Variants in BAZ2B observed in about 807,000 individuals in gnomAD.
BAZ2B encodes the protein bromodomain adjacent to zinc finger domain protein 2B.
BAZ2B carries 91 observed loss-of-function variants against 246.0 expected under a neutral mutation model. The observed-to-expected ratio is 0.37, with a 90% CI of 0.31 to 0.44. The LOEUF (loss-of-function observed/expected upper bound fraction) is 0.44, where lower values mean the gene tolerates loss of function less well. BAZ2B is among the 20% of genes least tolerant of loss of function. The pLI is 1.00. For synonymous variants in BAZ2B, 855 were observed against 860.0 expected (o/e 0.99, Z 0.10); for missense variants, 2,332 against 2,533.7 (o/e 0.92, Z 1.71).
chr2:159,320,842 C>G (rs1056379776), intron 36 of BAZ2B, among the ~76,000 whole-genome samples: 2 of 152,154 alleles, frequency 1.3e-5, no homozygotes, highest in East Asian at 1.9e-4. Context: ...TCAATGCTCC[C>G]CATGCAATGA....
intron 2 of BAZ2B, among the ~76,000 whole-genome samples, chr2:159,479,095 T>TA (rs1041817214): frequency 7.3e-5 from 11 of 151,188 alleles, no homozygotes; most frequent in Non-Finnish European, 1.2e-4. Flanking sequence ...AATGAATAAT[T>TA]AAAAAAAAAC....
At chr2:159,678,222 C>T in the BAZ2B span, among the ~76,000 whole-genome samples, 1 of 152,138 alleles carries the variant, frequency 6.6e-6, no homozygotes, top group East Asian at 1.9e-4. Context: ...GTTTGAGAAG[C>T]ACAGGGTACA....
the BAZ2B span, among the ~76,000 whole-genome samples, chr2:159,688,256 T>C: frequency 6.6e-6 from 1 of 152,074 alleles, no homozygotes; most frequent in African/African-American, 2.4e-5. Flanking sequence ...TGTCCAGGCT[T>C]GCCTTGAACT....
chr2:159,587,086 T>C (rs1023565469), intron 1 of BAZ2B, among the ~76,000 whole-genome samples: 1 of 152,072 alleles, frequency 6.6e-6, no homozygotes, highest in African/African-American at 2.4e-5. Flanking sequence ...TGCAACTTTT[T>C]TTTTTTTTTT....
intron 1 of BAZ2B, among the ~76,000 whole-genome samples, chr2:159,598,192 C>G (rs925015256): frequency 6.6e-6 from 1 of 151,990 alleles, no homozygotes; most frequent in Non-Finnish European, 1.5e-5. Context: ...CAGGGTTTCA[C>G]CATATTGGCC....
At chr2:159,413,053 A>C (rs1448470468) in intron 13 of BAZ2B, among the ~76,000 whole-genome samples, 1 of 152,200 alleles carries the variant, frequency 6.6e-6, no homozygotes, top group Non-Finnish European at 1.5e-5. Context: ...GAAGAATTGA[A>C]CTTGAATGGT....
intron 2 of BAZ2B, among the ~76,000 whole-genome samples, chr2:159,549,078 C>T (rs556148633): frequency 6.6e-6 from 1 of 151,962 alleles, no homozygotes; most frequent in African/African-American, 2.4e-5. Flanking sequence ...GTCAAGAGTT[C>T]GAGACCAGCC....
chr2:159,348,581 T>C (rs1223487091), intron 30 of BAZ2B, 97 bp downstream of exon 30: 7 of 1,372,218 alleles, frequency 5.1e-6, no homozygotes, highest in Middle Eastern at 5.3e-4. Context: ...AACCCATGAA[T>C]ATGAAGGACC....
intron 33 of BAZ2B, 49 bp downstream of exon 33, chr2:159,336,893 A>G (rs1435855225): frequency 2.7e-6 from 4 of 1,459,684 alleles, no homozygotes; most frequent in Non-Finnish European, 3.7e-6. Context: ...GTTGGAAGAA[A>G]CAGGACAAAG....
intron 34 of BAZ2B, among the ~76,000 whole-genome samples, chr2:159,331,492 C>A (rs537890527): frequency 6.6e-6 from 1 of 152,330 alleles, no homozygotes; most frequent in Admixed American, 6.5e-5. Context: ...CTGAGCCCCC[C>A]AAATAGTTGG....
At chr2:159,548,788 G>T (rs982106673) in intron 2 of BAZ2B, among the ~76,000 whole-genome samples, 2 of 151,968 alleles carry the variant, frequency 1.3e-5, no homozygotes, top group Admixed American at 1.3e-4. Flanking sequence ...GACTGAGCAA[G>T]ACCCTGTTTC....
At chr2:159,565,740 GC>G in intron 1 of BAZ2B, among the ~76,000 whole-genome samples, 1 of 142,116 alleles carries the variant, frequency 7.0e-6, no homozygotes, top group African/African-American at 2.6e-5. Flanking sequence ...TTGTGCCACT[GC>G]ATTCCAGCCT....
At chr2:159,399,798 AG>A (rs1301369618) in intron 17 of BAZ2B, among the ~76,000 whole-genome samples, 1 of 152,174 alleles carries the variant, frequency 6.6e-6, no homozygotes, top group African/African-American at 2.4e-5. Context: ...ATGGTGGAGA[AG>A]TTGTAATAAA....
At chr2:159,573,499 C>A (rs1183946671) in intron 1 of BAZ2B, among the ~76,000 whole-genome samples, 1 of 152,128 alleles carries the variant, frequency 6.6e-6, no homozygotes, top group South Asian at 2.1e-4. Flanking sequence ...TCACACCATA[C>A]ACAAAAAGGA....
intron 2 of BAZ2B, 32 bp from the exon 3 acceptor site, chr2:159,478,753 T>C (rs750383027): frequency 1.4e-6 from 2 of 1,403,796 alleles, no homozygotes; most frequent in African/African-American, 2.9e-5. Flanking sequence ...ATTCTCAGTA[T>C]CAGATAAAAA....
the BAZ2B span, chr2:159,689,848 C>T: frequency 2.1e-6 from 1 of 484,268 alleles, no homozygotes; most frequent in South Asian, 2.5e-5. Context: ...GGCAGAATTG[C>T]TGGTACTGAG....
the BAZ2B span, among the ~76,000 whole-genome samples, chr2:159,708,403 G>A: frequency 6.6e-6 from 1 of 152,138 alleles, no homozygotes; most frequent in African/African-American, 2.4e-5. Flanking sequence ...GATTATTCCT[G>A]GTGAGGCCAG....
chr2:159,645,480 T>C, the BAZ2B span, among the ~76,000 whole-genome samples: 1 of 151,682 alleles, frequency 6.6e-6, no homozygotes, highest in African/African-American at 2.4e-5. Context: ...TCATAAGGAG[T>C]GTGCAACCTA....
chr2:159,407,746 C>T (rs1252983410), intron 14 of BAZ2B, among the ~76,000 whole-genome samples: 3 of 152,060 alleles, frequency 2.0e-5, no homozygotes, highest in African/African-American at 7.2e-5. Flanking sequence ...AATGTCCCAA[C>T]CATTTTCAAT....
Sources: gnomAD v4.1 joint callset for allele counts (sites outside exome capture counted in the v4.1 genomes callset) on GRCh38, gnomAD v4.1.1 for gene constraint, MANE v1.5 for transcripts, NCBI Gene and HGNC (gene_info 2026-07-23, HGNC 2026-07-21) for gene names.